Variants in DCAKD observed in about 807,000 individuals in gnomAD.
DCAKD encodes the protein dephospho-CoA kinase domain-containing protein.
A neutral mutation model predicts 18.7 loss-of-function variants in DCAKD; 15 were observed. That is an observed-to-expected ratio of 0.80 (90% CI 0.54 to 1.24). The LOEUF is 1.24. Among genes scored for constraint, DCAKD ranks in the 50% most tolerant of loss-of-function variants. The pLI is 0.00. For missense variants in DCAKD, 301 were observed against 322.0 expected (o/e 0.93, Z 0.50); for synonymous variants, 130 against 133.0 (o/e 0.98, Z 0.16).
At chr17:45,029,476 T>C (rs4413004) in intron 4 of DCAKD, among the ~76,000 whole-genome samples, 99,988 of 152,040 alleles carry the variant, frequency 0.66, 33,544 homozygotes, top group African/African-American at 0.77. Flanking sequence ...CTCATCTACT[T>C]TCACCCCACT....
intron 1 of DCAKD, among the ~76,000 whole-genome samples, chr17:45,045,210 AC>A (rs1295554038): frequency 2.6e-5 from 4 of 152,158 alleles, no homozygotes; most frequent in Non-Finnish European, 4.4e-5. Flanking sequence ...CAGGACACGG[AC>A]AGAAAGCAGG....
At chr17:45,057,049 G>A (rs921218348) in intron 1 of DCAKD, among the ~76,000 whole-genome samples, 4 of 152,178 alleles carry the variant, frequency 2.6e-5, no homozygotes, top group East Asian at 1.9e-4. Flanking sequence ...TTACAGGCGT[G>A]AGCCACTGCG....
Position 45,051,397 on chromosome 17 carries a change from G to C in DCAKD, c.-151C>G, listed in dbSNP as rs1235560762. On this transcript the variant is annotated 5_prime_UTR_variant, in exon 1 of 5. Coordinates refer to ENST00000651974, the MANE Select transcript of DCAKD (RefSeq NM_001288655.2). The stretch of plus-strand genomic sequence containing the variant: ...CCGCATACGACGCGCTCAATACATC[G>C]TAACTCAGGCTTTCAAAAGAGGCCC... 6.6e-6 allele frequency: 1 copy of C among 152,122 alleles called. No individual in the cohort carries two copies. Among genetic ancestry groups the C allele is most frequent in the Non-Finnish European group, 1.5e-5 (1 of 68,038 alleles). 9.4% of individuals were successfully genotyped at this position (152,122 alleles called of 1,614,324 possible). A position where few individuals can be genotyped will look rare whatever the true frequency, so the allele number is the denominator to read the frequency against.
At chr17:45,053,169 TAAAAAAAAAAAAAAA>T (rs760029893), upstream of DCAKD, among the ~76,000 whole-genome samples, 1 of 75,736 alleles carries the variant, frequency 1.3e-5, no homozygotes, top group Non-Finnish European at 2.1e-5. Context: ...TGTCTCCAGT[TAAAAAAAAAAAAAAA>T]AAAAAAAAAA....
upstream of DCAKD, among the ~76,000 whole-genome samples, chr17:45,053,045 C>T (rs969079785): frequency 6.6e-6 from 1 of 150,702 alleles, no homozygotes; most frequent in African/African-American, 2.4e-5. Flanking sequence ...TGCCTGTAAT[C>T]CCAGCTACAC....
intron 1 of DCAKD, among the ~76,000 whole-genome samples, chr17:45,036,526 A>G (rs951960040): frequency 6.6e-6 from 1 of 152,208 alleles, no homozygotes; most frequent in Non-Finnish European, 1.5e-5. Context: ...AGAGAAAAAA[A>G]AAAAGAAAAA....
intron 4 of DCAKD, among the ~76,000 whole-genome samples, chr17:45,028,255 C>CA: frequency 6.8e-6 from 1 of 147,616 alleles, no homozygotes; most frequent in Non-Finnish European, 1.5e-5. Context: ...ACTACAGGCG[C>CA]CCACCATGAT....
At chr17:45,060,535 G>C (rs554754138) in intron 1 of DCAKD, among the ~76,000 whole-genome samples, 89 of 152,008 alleles carry the variant, frequency 5.9e-4, no homozygotes, top group Middle Eastern at 3.5e-3. Flanking sequence ...AAGAAAGAAA[G>C]AAAAGAAAAG....
intron 1 of DCAKD, among the ~76,000 whole-genome samples, chr17:45,043,710 C>T (rs1018102494): frequency 6.6e-6 from 1 of 152,118 alleles, no homozygotes; most frequent in Non-Finnish European, 1.5e-5. Flanking sequence ...TGGACTTGTC[C>T]GAATCATTCT....
chr17:45,047,106 G>A (rs1321946841), intron 1 of DCAKD, among the ~76,000 whole-genome samples: 1 of 144,694 alleles, frequency 6.9e-6, no homozygotes, highest in Non-Finnish European at 1.5e-5. Flanking sequence ...TTCAGAAGGT[G>A]TTCAAAGAAC....
At chr17:45,054,926 A>T (rs1431321002), upstream of DCAKD, among the ~76,000 whole-genome samples, 1 of 152,128 alleles carries the variant, frequency 6.6e-6, no homozygotes, top group Non-Finnish European at 1.5e-5. Context: ...TATTATAACT[A>T]TTCATGTACA....
Position 45,024,106 on chromosome 17 carries a change from C to A in DCAKD, c.*327G>T. ...CCACAGAGCCAGTATTCCCTACCCC[C>A]ACCCACAGAAATGTATAGCAGTCTC... On this transcript the variant is annotated 3_prime_UTR_variant, in exon 5 of 5. Coordinates refer to ENST00000651974, the MANE Select transcript of DCAKD (RefSeq NM_001288655.2). The A allele has an allele frequency of 3.7e-6, 1 of 271,626 alleles. No individual in the cohort carries two copies. Among genetic ancestry groups the A allele is most frequent in the Non-Finnish European group, 7.1e-6 (1 of 140,518 alleles). The allele number at this position is 271,626 out of a possible 1,614,324, so 16.8% of individuals were successfully genotyped here.
At chr17:45,060,649 C>G (rs558674491) in intron 1 of DCAKD, among the ~76,000 whole-genome samples, 4 of 152,240 alleles carry the variant, frequency 2.6e-5, no homozygotes, top group African/African-American at 9.6e-5. Context: ...GATGAGGCGG[C>G]GAGCCCTGCC....
In DCAKD at chr17:45,034,314, G is replaced by T; in HGVS notation, c.189C>A (p.Asp63Glu). 1 of 1,614,158 alleles carries T rather than the reference G, an allele frequency of 6.2e-7. No individual in the cohort carries two copies. The highest frequency in any genetic ancestry group is 8.5e-7 in the Non-Finnish European group (1 of 1,180,044). Residue 63 changes from aspartate (D) to glutamate (E), a missense_variant, in exon 3 of 5, where the codon GAC becomes GAA. Transcript: ENST00000651974. ...FGTEVLLENG[D>E]INRKVLGDLI... ...GGTCCCCCAGGACCTTGCGATTTAT[G>T]TCGCCGTTCTCCAGCAAGACCTCAG... is the stretch of plus-strand genomic sequence containing the variant.
Position 45,034,757 on chromosome 17 carries a change from C to T in DCAKD, c.112+17G>A, listed in dbSNP as rs367587670. The T allele has an allele frequency of 9.3e-6, 15 of 1,613,038 alleles. 1 individual carries two copies. Among genetic ancestry groups the T allele is most frequent in the Admixed American group, 1.7e-5 (1 of 59,842 alleles). On this transcript the variant is annotated intron_variant, in intron 2 of 4. Coordinates refer to ENST00000651974, the MANE Select transcript of DCAKD (RefSeq NM_001288655.2). ...GAGCTGCTGTGCACGGCCCCCCAACCTGCCCCTCCAACTCACCGTGCCGGG... is the reference window on the plus strand; with the variant it reads ...GAGCTGCTGTGCACGGCCCCCCAACTTGCCCCTCCAACTCACCGTGCCGGG...
intron 1 of DCAKD, among the ~76,000 whole-genome samples, chr17:45,036,411 G>A (rs934642613): frequency 3.3e-5 from 5 of 152,216 alleles, no homozygotes; most frequent in African/African-American, 9.6e-5. Flanking sequence ...AGCTACTCGG[G>A]AGGCTGAGGC....
intron 1 of DCAKD, among the ~76,000 whole-genome samples, 137 bp downstream of exon 1, chr17:45,051,198 AAGGGCAGTGGCTTTGGTCTGATCCTG>A (rs2143388197): frequency 6.6e-6 from 1 of 152,332 alleles, no homozygotes; most frequent in South Asian, 2.1e-4. Flanking sequence ...CAAAGTTCTA[AAGGGCAGTGGCTTTGGTCTGATCCTG>A]AGTTTGAATC....
rs565581845 is a variant in DCAKD at position 45,034,916 on chromosome 17, A to G, written c.-31T>C. The G allele has an allele frequency of 1.5e-5, 24 of 1,610,192 alleles. No homozygotes were observed. In the South Asian group the frequency reaches 2.5e-4, roughly 17 times the overall value. ...AGGAAAGAGAGCTGTCCGCGAGACTACGGAGCCAGGAGCTACAGAATCACT... is the reference window on the plus strand; with the variant it reads ...AGGAAAGAGAGCTGTCCGCGAGACTGCGGAGCCAGGAGCTACAGAATCACT... On this transcript the variant is annotated 5_prime_UTR_variant, in exon 2 of 5. Transcript: ENST00000651974.
At chr17:45,056,542 C>T (rs998749788), upstream of DCAKD, among the ~76,000 whole-genome samples, 22 of 151,992 alleles carry the variant, frequency 1.4e-4, 1 homozygote, top group Admixed American at 1.2e-3. Context: ...GGTGCGATCT[C>T]GGCTCACTGC....
Sources: gnomAD v4.1 joint callset for allele counts (sites outside exome capture counted in the v4.1 genomes callset) on GRCh38, gnomAD v4.1.1 for gene constraint, MANE v1.5 for transcripts, NCBI Gene and HGNC (gene_info 2026-07-23, HGNC 2026-07-21) for gene names.